IL1RAPL2: variants seen among roughly 807,000 people sequenced by gnomAD.
The protein encoded by IL1RAPL2 is X-linked interleukin-1 receptor accessory protein-like 2.
Under a neutral mutation model 44.1 loss-of-function variants are expected in IL1RAPL2, and 3 were observed. The ratio of observed to expected loss-of-function variants is 0.07; its 90% CI spans 0.03 to 0.18. The LOEUF (loss-of-function observed/expected upper bound fraction) is 0.18. Among genes scored for constraint, IL1RAPL2 ranks in the 10% least tolerant of loss-of-function variants. The probability of loss-of-function intolerance (pLI) is 1.00; values close to 1 mark genes in which losing one functional copy is unlikely to be tolerated. For missense variants in IL1RAPL2, 391 were observed against 496.4 expected, an observed-to-expected ratio of 0.79 and a Z score of 2.02; for synonymous variants, 181 against 178.8, an observed-to-expected ratio of 1.01 and a Z score of -0.10.
At chrX:105,402,907 T>A (rs2147736039) in intron 5 of IL1RAPL2, among the ~76,000 whole-genome samples, 1 of 111,834 alleles carries the variant, frequency 8.9e-6, no homozygotes, top group East Asian at 2.8e-4. Context: ...AGGCTCAAGC[T>A]ATTCATATTT....
At chrX:104,706,364 G>T (rs1352898559) in intron 2 of IL1RAPL2, among the ~76,000 whole-genome samples, 1 of 112,141 alleles carries the variant, frequency 8.9e-6, no homozygotes, top group African/African-American at 3.2e-5. Flanking sequence ...CCACAATGTG[G>T]TGAGGTAAAT....
At chrX:104,688,252 C>T (rs1053693603) in intron 2 of IL1RAPL2, among the ~76,000 whole-genome samples, 4 of 111,958 alleles carry the variant, frequency 3.6e-5, no homozygotes, top group African/African-American at 1.3e-4. Flanking sequence ...TGTCACTAAC[C>T]ACCCCCAAAA....
chrX:104,828,563 C>G (rs923090912), intron 2 of IL1RAPL2, among the ~76,000 whole-genome samples: 1 of 97,935 alleles, frequency 1.0e-5, no homozygotes, highest in South Asian at 5.4e-4. Flanking sequence ...AGGTGTCTGT[C>G]GACCCCTGTT....
intron 4 of IL1RAPL2, among the ~76,000 whole-genome samples, chrX:105,244,589 G>C (rs749818194): frequency 2.7e-5 from 3 of 111,327 alleles, no homozygotes; most frequent in Non-Finnish European, 5.6e-5. Flanking sequence ...ATCCAAGAGA[G>C]AACTTAACCA....
chrX:104,643,976 A>C (rs922961207), intron 1 of IL1RAPL2, among the ~76,000 whole-genome samples: 9 of 111,593 alleles, frequency 8.1e-5, no homozygotes, highest in African/African-American at 2.3e-4. Flanking sequence ...GAGTGTGGAA[A>C]AGGGAAAGTG....
intron 2 of IL1RAPL2, among the ~76,000 whole-genome samples, chrX:105,043,119 C>T (rs1471573449): frequency 4.7e-5 from 5 of 106,121 alleles, no homozygotes; most frequent in Non-Finnish European, 1.9e-5. Context: ...GGGAGATATA[C>T]CTAATGCTAG....
chrX:105,288,421 A>C (rs2034587374), intron 5 of IL1RAPL2, among the ~76,000 whole-genome samples: 1 of 109,396 alleles, frequency 9.1e-6, no homozygotes, highest in Non-Finnish European at 1.9e-5. Flanking sequence ...AAAAAAAAAA[A>C]CAGCATTCTC....
intron 6 of IL1RAPL2, among the ~76,000 whole-genome samples, chrX:105,547,973 AC>A (rs1364492153): frequency 8.9e-6 from 1 of 111,822 alleles, no homozygotes; most frequent in Non-Finnish European, 1.9e-5. Flanking sequence ...TTTTGTTTGA[AC>A]ATCTCTGATG....
At chrX:105,128,208 C>T (rs748261336) in intron 2 of IL1RAPL2, among the ~76,000 whole-genome samples, 12 of 110,244 alleles carry the variant, frequency 1.1e-4, no homozygotes, top group Non-Finnish European at 1.9e-4. Context: ...GAAATATCTC[C>T]TCTTTGCCTT....
intron 6 of IL1RAPL2, among the ~76,000 whole-genome samples, chrX:105,714,119 C>T (rs781165673): frequency 9.0e-6 from 1 of 111,542 alleles, no homozygotes; most frequent in African/African-American, 3.3e-5. Context: ...AAAAGGATAG[C>T]CTTTACTCCA....
At chrX:104,699,614 G>A (rs1394057956) in intron 2 of IL1RAPL2, among the ~76,000 whole-genome samples, 1 of 112,238 alleles carries the variant, frequency 8.9e-6, no homozygotes, top group Non-Finnish European at 1.9e-5. Context: ...CTGGTTCACG[G>A]CCTGGGGCTT....
chrX:104,851,198 A>G (rs1347759981), intron 2 of IL1RAPL2, among the ~76,000 whole-genome samples: 1 of 111,735 alleles, frequency 8.9e-6, no homozygotes, highest in African/African-American at 3.3e-5. Flanking sequence ...AAATAAGGTA[A>G]AAAAGAGCCA....
chrX:105,626,861 C>T (rs745793973), intron 6 of IL1RAPL2, among the ~76,000 whole-genome samples: 6 of 111,598 alleles, frequency 5.4e-5, no homozygotes, highest in East Asian at 2.9e-4. Flanking sequence ...AGCATTTCTC[C>T]AACTTCAGTG....
intron 6 of IL1RAPL2, among the ~76,000 whole-genome samples, chrX:105,520,923 CTTTTTTTT>C (rs1172515228): frequency 4.8e-4 from 25 of 52,351 alleles, no homozygotes; most frequent in African/African-American, 1.7e-3. Context: ...TTCTTTCTTT[CTTTTTTTT>C]TTTTTTTTTT....
intron 5 of IL1RAPL2, among the ~76,000 whole-genome samples, chrX:105,314,306 TTGG>T (rs2034819927): frequency 9.0e-6 from 1 of 110,547 alleles, no homozygotes. Context: ...ATCACTAATA[TTGG>T]TGGTATTTGG....
At chrX:104,827,096 C>T (rs1169495068) in intron 2 of IL1RAPL2, among the ~76,000 whole-genome samples, 1 of 109,687 alleles carries the variant, frequency 9.1e-6, no homozygotes. Context: ...CAGTCTTTGA[C>T]TTTTAATTGG....
In IL1RAPL2 at chrX:104,670,585, G is replaced by GTT. The variant is rs35647895; in HGVS notation, c.82+11597_82+11598dup. Among the ~76,000 whole-genome samples, 13 of 108,371 alleles carry GTT rather than the reference G, an allele frequency of 1.2e-4. No individual in the cohort carries two copies. In the East Asian group the frequency reaches 2.4e-3, roughly 20 times the overall value. 94.1% of individuals were successfully genotyped at this position (108,371 alleles called of 115,157 possible). On this transcript the variant is annotated intron_variant, in intron 2 of 10. Transcript: ENST00000372582. ...TTAACCATCACACCACTCCAGTCAT[G>GTT]TTTTTTTTAAACAAATTTTGACTTT...
chrX:104,582,828 CTTTCTT>C lies in IL1RAPL2; in HGVS notation c.-20+15779_-20+15784del, dbSNP rs1569487691. On this transcript the variant is annotated intron_variant, in intron 1 of 10. Transcript: ENST00000372582. ...CTCTTTCTCTCCTTTCTTTCTCTTT[CTTTCTT>C]TCTTTCTTTCTTTCTTTCTTTCTTT... is the stretch of plus-strand genomic sequence containing the variant. Among the ~76,000 whole-genome samples the C allele has an allele frequency of 7.5e-4, 49 of 65,112 alleles. No individual in the cohort carries two copies. In the East Asian group the frequency reaches 0.017, roughly 22 times the overall value. The allele number at this position is 65,112 out of a possible 115,157, so 56.5% of individuals were successfully genotyped here. A position where few individuals can be genotyped will look rare whatever the true frequency, so the allele number is the denominator to read the frequency against.
At chrX:104,841,490 C>T (rs923162791) in intron 2 of IL1RAPL2, among the ~76,000 whole-genome samples, 1 of 111,688 alleles carries the variant, frequency 9.0e-6, no homozygotes, top group Non-Finnish European at 1.9e-5. Flanking sequence ...TGTCATTGGT[C>T]TTTATATTTT....
Sources: gnomAD v4.1 joint callset for allele counts (sites outside exome capture counted in the v4.1 genomes callset) on GRCh38, gnomAD v4.1.1 for gene constraint, MANE v1.5 for transcripts, NCBI Gene and HGNC (gene_info 2026-07-23, HGNC 2026-07-21) for gene names.